The following MROH9 variants were observed in gnomAD, a reference collection of about 807,000 sequenced individuals.
The protein encoded by MROH9 is maestro heat like repeat family member 9.
MROH9 carries 92 observed loss-of-function variants against 98.2 expected under a neutral mutation model. The observed-to-expected ratio is 0.94, with a 90% confidence interval of 0.79 to 1.11. MROH9 has a LOEUF of 1.11. Among genes scored for constraint, MROH9 ranks in the 50% most tolerant of loss-of-function variants. The probability of loss-of-function intolerance (pLI) is 0.00; values close to 1 mark genes in which losing one functional copy is unlikely to be tolerated. For synonymous variants in MROH9, 397 were observed against 368.9 expected, an observed-to-expected ratio of 1.08 and a Z score of -0.87; for missense variants, 1,057 against 1,014.8, an observed-to-expected ratio of 1.04 and a Z score of -0.57.
intron 6 of MROH9, among the ~76,000 whole-genome samples, chr1:170,964,436 A>G (rs1051922765): frequency 6.6e-6 from 1 of 152,136 alleles, no homozygotes; most frequent in Non-Finnish European, 1.5e-5. Flanking sequence ...GGAGCAAGAA[A>G]AGGTGAAGAG....
chr1:170,998,361 C>T, intron 15 of MROH9, 87 bp downstream of exon 15: 1 of 1,611,752 alleles, frequency 6.2e-7, no homozygotes, highest in Non-Finnish European at 8.5e-7. Context: ...TCGTATCTCT[C>T]CCTCTGAATG....
Position 170,961,905 on chromosome 1 carries a change from A to G in MROH9, c.304A>G (p.Ile102Val). The change falls in exon 6 of 22, where the codon ATT (isoleucine) becomes GTT (valine). Residue 102 changes from isoleucine (I) to valine (V), a missense_variant. Coordinates refer to ENST00000367759, the MANE Select transcript of MROH9 (RefSeq NM_001163629.2). ...IEDMENLYHNILNIYENILTS... is the reference protein window; with the variant it reads ...IEDMENLYHNVLNIYENILTS... The stretch of plus-strand genomic sequence containing the variant: ...TGTGTTTCAGAATTTATACCACAAT[A>G]TTTTAAATATATATGAGAACATTCT... 6.7e-7 allele frequency: 1 copy of G among 1,499,208 alleles called. No homozygotes were observed. Among genetic ancestry groups the G allele is most frequent in the Non-Finnish European group, 9.0e-7 (1 of 1,108,876 alleles). The allele number at this position is 1,499,208 out of a possible 1,614,324, so 92.9% of individuals were successfully genotyped here.
chr1:170,947,935 T>C (rs181253066), intron 3 of MROH9, among the ~76,000 whole-genome samples: 1 of 152,116 alleles, frequency 6.6e-6, no homozygotes, highest in Admixed American at 6.6e-5. Flanking sequence ...CCCATCAAAG[T>C]GAAGCCCTTC....
intron 10 of MROH9, 97 bp downstream of exon 10, chr1:170,986,807 T>G: frequency 7.6e-7 from 1 of 1,314,414 alleles, no homozygotes; most frequent in South Asian, 1.4e-5. Flanking sequence ...TATGTATTTC[T>G]TGTCATTGTT....
intron 10 of MROH9, among the ~76,000 whole-genome samples, chr1:170,989,388 A>C (rs1651266122): frequency 6.6e-6 from 1 of 152,296 alleles, no homozygotes; most frequent in South Asian, 2.1e-4. Context: ...ATTGTGGGTT[A>C]GTGTTTACCA....
chr1:171,004,332 C>T (rs1489464312), intron 15 of MROH9, among the ~76,000 whole-genome samples: 1 of 152,166 alleles, frequency 6.6e-6, no homozygotes, highest in East Asian at 1.9e-4. Context: ...CATAGTTTTA[C>T]TCCCTGCCCC....
intron 12 of MROH9, among the ~76,000 whole-genome samples, chr1:170,992,958 G>A (rs1243969040): frequency 6.6e-6 from 1 of 152,154 alleles, no homozygotes; most frequent in African/African-American, 2.4e-5. Context: ...ACTCCTGGGA[G>A]TAAATTAAGG....
intron 17 of MROH9, among the ~76,000 whole-genome samples, chr1:171,017,530 C>T (rs900095970): frequency 2.6e-5 from 4 of 152,200 alleles, no homozygotes. Flanking sequence ...GACTGCTGAA[C>T]TCCTGGGGGA....
At chr1:170,972,642 C>G (rs1650504260) in intron 8 of MROH9, among the ~76,000 whole-genome samples, 1 of 151,806 alleles carries the variant, frequency 6.6e-6, no homozygotes, top group Non-Finnish European at 1.5e-5. Flanking sequence ...AACCCCCTCT[C>G]TACTAAAAAA....
chr1:170,940,085 A>C (rs1243425922), intron 1 of MROH9, among the ~76,000 whole-genome samples: 1 of 152,194 alleles, frequency 6.6e-6, no homozygotes, highest in African/African-American at 2.4e-5. Flanking sequence ...AATGTGCTGG[A>C]GTAACACACC....
chr1:170,970,731 T>TGTGA lies in MROH9; in HGVS notation c.481-1016_481-1015insTGAG, dbSNP rs1491154307. Among the ~76,000 whole-genome samples the TGTGA allele has an allele frequency of 8.0e-3, 724 of 90,794 alleles. 6 individuals carry two copies. Among genetic ancestry groups the TGTGA allele is most frequent in the Middle Eastern group, 0.039 (5 of 128 alleles). The allele number at this position is 90,794 out of a possible 152,430, so 59.6% of individuals were successfully genotyped here. On this transcript the variant is annotated intron_variant, in intron 7 of 21. Coordinates refer to ENST00000367759, the MANE Select transcript of MROH9 (RefSeq NM_001163629.2). ...GTGTGTGTGTGTGTGTGTGTGTGTG[T>TGTGA]GAGAGAGAGAGAGAGAGAGAGAGAG...
intron 20 of MROH9, among the ~76,000 whole-genome samples, chr1:171,050,781 C>T (rs1653639749): frequency 6.6e-6 from 1 of 152,104 alleles, no homozygotes. Context: ...TTTCCCCATT[C>T]AGTAAAATAT....
rs770784346 is a variant in MROH9 at position 170,996,619 on chromosome 1, T to C, written c.1450T>C (p.Tyr484His). ...WDQLSEDLCY[Y>H]HGVCFIAKTL... Reference sequence around the variant, plus strand: ...CCAGTTATCTGAAGATCTGTGTTACTATCATGGAGTCTGCTTTATTGCTAA... The same window carrying C: ...CCAGTTATCTGAAGATCTGTGTTACCATCATGGAGTCTGCTTTATTGCTAA... Residue 484 changes from tyrosine (Y) to histidine (H), a missense_variant, in exon 14 of 22, where the codon TAT becomes CAT. Physicochemically the swap from Tyr to His is moderately conservative, Grantham distance 83. Coordinates refer to ENST00000367759, the MANE Select transcript of MROH9 (RefSeq NM_001163629.2). 1.2e-6 allele frequency: 2 copies of C among 1,613,444 alleles called. No individual in the cohort carries two copies. The highest frequency in any genetic ancestry group is 1.6e-4 in the Middle Eastern group (1 of 6,072).
At position 171,060,519 on chromosome 1, in the gene MROH9, T is replaced by C. The variant is rs1469410775; in HGVS notation, c.2282-1613T>C. Among the ~76,000 whole-genome samples the C allele has an allele frequency of 2.6e-5, 4 of 152,192 alleles. No homozygotes were observed. In the East Asian group the frequency reaches 7.7e-4, roughly 29 times the overall value. ...AGAGGAACTAGAGTTGAAGGACTTA[T>C]ACCATGGGATATCAAGATGCATTAC... On this transcript the variant is annotated intron_variant, in intron 20 of 21. Coordinates refer to ENST00000367759, the MANE Select transcript of MROH9 (RefSeq NM_001163629.2).
At chr1:170,966,648 C>A (rs577482800) in intron 7 of MROH9, among the ~76,000 whole-genome samples, 31 of 152,170 alleles carry the variant, frequency 2.0e-4, no homozygotes, top group African/African-American at 7.5e-4. Context: ...ATACAATTTA[C>A]TTAGATGGGG....
At chr1:170,999,659 G>A (rs1016920029) in intron 15 of MROH9, among the ~76,000 whole-genome samples, 17 of 151,974 alleles carry the variant, frequency 1.1e-4, no homozygotes, top group South Asian at 4.1e-4. Context: ...TTTCTTTTTC[G>A]AATAATGTCT....
intron 15 of MROH9, among the ~76,000 whole-genome samples, chr1:171,007,588 G>A (rs573536592): frequency 6.6e-6 from 1 of 152,250 alleles, no homozygotes; most frequent in Non-Finnish European, 1.5e-5. Flanking sequence ...AGCTAAAAGG[G>A]GCTGGAGTCA....
At chr1:170,952,754 AATAT>A (rs370307244) in intron 3 of MROH9, among the ~76,000 whole-genome samples, 6 of 149,454 alleles carry the variant, frequency 4.0e-5, no homozygotes, top group African/African-American at 1.5e-4. Flanking sequence ...TATAATAAAA[AATAT>A]ATATATATAT....
chr1:170,952,758 T>C (rs1172099551), intron 3 of MROH9, among the ~76,000 whole-genome samples: 4 of 150,550 alleles, frequency 2.7e-5, no homozygotes, highest in Admixed American at 1.3e-4. Context: ...ATAAAAAATA[T>C]ATATATATAT....
Sources: gnomAD v4.1 joint callset for allele counts (sites outside exome capture counted in the v4.1 genomes callset) on GRCh38, gnomAD v4.1.1 for gene constraint, MANE v1.5 for transcripts, NCBI Gene and HGNC (gene_info 2026-07-23, HGNC 2026-07-21) for gene names.